Variants in NPAS3 observed in about 807,000 individuals in gnomAD.
NPAS3 encodes the protein neuronal PAS domain protein 3.
NPAS3 carries 14 observed loss-of-function variants against 73.1 expected under a neutral mutation model. The observed-to-expected ratio is 0.19, with a 90% CI of 0.13 to 0.30. The LOEUF is 0.30. Among genes scored for constraint, NPAS3 ranks in the 10% least tolerant of loss-of-function variants. The pLI is 1.00. For missense variants in NPAS3, 1,096 were observed against 1,250.0 expected, an observed-to-expected ratio of 0.88 and a Z score of 1.86; for synonymous variants, 620 against 541.5, an observed-to-expected ratio of 1.14 and a Z score of -2.01.
intron 3 of NPAS3, among the ~76,000 whole-genome samples, chr14:33,222,113 T>G (rs564732307): frequency 2.0e-5 from 3 of 152,208 alleles, no homozygotes; most frequent in African/African-American, 7.2e-5. Flanking sequence ...ACAAGTCCTG[T>G]GTGTTCAGAT....
Position 33,159,063 on chromosome 14 carries a change from G to A in NPAS3, c.141-56119G>A, listed in dbSNP as rs143345867. Among the ~76,000 whole-genome samples the A allele has an allele frequency of 4.5e-4, 69 of 152,208 alleles. No individual in the cohort carries two copies. The East Asian group carries it at 0.011, about 23-fold the overall frequency. On this transcript the variant is annotated intron_variant, in intron 2 of 11. Transcript: ENST00000356141. ...CTGTAATCCCAACTACTCAGAGACC[G>A]AGGCAGGGGAATTGCTTGGATCTGG... is the stretch of plus-strand genomic sequence containing the variant.
intron 3 of NPAS3, among the ~76,000 whole-genome samples, chr14:33,270,909 T>C (rs2041045648): frequency 6.6e-6 from 1 of 152,170 alleles, no homozygotes; most frequent in Non-Finnish European, 1.5e-5. Flanking sequence ...CCTCTAAGTA[T>C]AGGGCTGAAA....
At chr14:33,280,261 C>G (rs1037137027) in intron 3 of NPAS3, among the ~76,000 whole-genome samples, 1 of 152,114 alleles carries the variant, frequency 6.6e-6, no homozygotes, top group Admixed American at 6.5e-5. Context: ...ATTGTATGGT[C>G]ACCCAACTTA....
intron 6 of NPAS3, among the ~76,000 whole-genome samples, chr14:33,717,200 A>C (rs534956614): frequency 2.5e-4 from 36 of 143,346 alleles, no homozygotes; most frequent in Admixed American, 1.1e-3. Flanking sequence ...TAACCTAAGC[A>C]TTCTTGGGCT....
chr14:33,173,316 AT>A (rs1444217016), intron 2 of NPAS3, among the ~76,000 whole-genome samples: 2 of 152,328 alleles, frequency 1.3e-5, no homozygotes, highest in East Asian at 3.9e-4. Flanking sequence ...TGCCACTATA[AT>A]ATTAATGATA....
At chr14:33,765,695 C>A (rs552765768) in intron 7 of NPAS3, among the ~76,000 whole-genome samples, 1 of 152,250 alleles carries the variant, frequency 6.6e-6, no homozygotes, top group South Asian at 2.1e-4. Flanking sequence ...ATATGTTCAT[C>A]TTTCTTTGCT....
chr14:33,066,966 A>T (rs1177963048), intron 2 of NPAS3, among the ~76,000 whole-genome samples: 2 of 152,202 alleles, frequency 1.3e-5, no homozygotes, highest in Non-Finnish European at 2.9e-5. Flanking sequence ...GTCTTCAAGC[A>T]TTATTGTAAT....
intron 5 of NPAS3, among the ~76,000 whole-genome samples, chr14:33,643,375 T>TTAA (rs1555427000): frequency 6.8e-4 from 64 of 94,628 alleles, no homozygotes; most frequent in African/African-American, 2.2e-3. Flanking sequence ...AAATAAAAAT[T>TTAA]AAAAAAAAAA....
At chr14:33,479,378 C>T (rs2051200840) in intron 4 of NPAS3, among the ~76,000 whole-genome samples, 1 of 152,116 alleles carries the variant, frequency 6.6e-6, no homozygotes, top group African/African-American at 2.4e-5. Flanking sequence ...CCTTACTACC[C>T]CACCCCCAAA....
chr14:33,581,310 A>T (rs2056653529), intron 5 of NPAS3, among the ~76,000 whole-genome samples: 1 of 152,208 alleles, frequency 6.6e-6, no homozygotes, highest in Non-Finnish European at 1.5e-5. Flanking sequence ...ATCATACTTC[A>T]TATGGGCAGT....
intron 5 of NPAS3, among the ~76,000 whole-genome samples, chr14:33,623,926 C>T (rs150070630): frequency 6.0e-4 from 92 of 152,264 alleles, no homozygotes; most frequent in African/African-American, 2.1e-3. Context: ...AAAAGGACTC[C>T]TCAGGTACTC....
At chr14:33,492,306 A>G (rs2139824784) in intron 4 of NPAS3, among the ~76,000 whole-genome samples, 2 of 152,296 alleles carry the variant, frequency 1.3e-5, no homozygotes, top group South Asian at 4.1e-4. Context: ...TGTAAAAAAA[A>G]GAATATTTTA....
Position 32,948,290 on chromosome 14 carries a change from T to C in NPAS3, c.50+8924T>C, listed in dbSNP as rs186168649. Reference sequence around the variant, plus strand: ...TGTCAAAGTTGTCCAAAAATGGTTTTATTGGGCAGTGAAGAATGTAGAGTA... The same window carrying C: ...TGTCAAAGTTGTCCAAAAATGGTTTCATTGGGCAGTGAAGAATGTAGAGTA... On this transcript the variant is annotated intron_variant, in intron 1 of 11. Transcript: ENST00000356141. Among the ~76,000 whole-genome samples, 169 of 152,256 alleles carry C rather than the reference T, an allele frequency of 1.1e-3. 1 individual carries two copies. Among genetic ancestry groups the C allele is most frequent in the Non-Finnish European group, 2.1e-3 (142 of 67,990 alleles).
At chr14:33,018,935 A>G (rs1241983291) in intron 1 of NPAS3, among the ~76,000 whole-genome samples, 1 of 138,218 alleles carries the variant, frequency 7.2e-6, no homozygotes, top group Non-Finnish European at 1.6e-5. Context: ...GTGCAAATTT[A>G]TAAAAAAAAA....
intron 2 of NPAS3, among the ~76,000 whole-genome samples, chr14:33,127,368 C>T (rs955150998): frequency 3.3e-5 from 5 of 152,034 alleles, no homozygotes; most frequent in African/African-American, 7.2e-5. Flanking sequence ...GATTTTTCTG[C>T]ATATATTGAG....
At chr14:33,615,797 T>C (rs1325050039) in intron 5 of NPAS3, among the ~76,000 whole-genome samples, 1 of 152,176 alleles carries the variant, frequency 6.6e-6, no homozygotes, top group African/African-American at 2.4e-5. Context: ...TATATTCCTT[T>C]CCAGAGAGTC....
intron 5 of NPAS3, among the ~76,000 whole-genome samples, chr14:33,600,226 T>G (rs972255607): frequency 1.3e-5 from 2 of 152,226 alleles, no homozygotes; most frequent in South Asian, 4.1e-4. Flanking sequence ...AAAAACTGTT[T>G]GACTAGTGCC....
intron 7 of NPAS3, among the ~76,000 whole-genome samples, chr14:33,773,398 T>C (rs1328071043): frequency 1.3e-5 from 2 of 152,196 alleles, no homozygotes; most frequent in Non-Finnish European, 2.9e-5. Context: ...AGAGTTGATA[T>C]GCACATGTGT....
At chr14:33,777,301 C>T (rs1324725483) in intron 8 of NPAS3, among the ~76,000 whole-genome samples, 1 of 152,184 alleles carries the variant, frequency 6.6e-6, no homozygotes, top group Non-Finnish European at 1.5e-5. Context: ...TTAGAAAACC[C>T]TCCTTTTTAT....
Sources: allele counts gnomAD v4.1 joint callset (sites outside exome capture counted in the v4.1 genomes callset), GRCh38; gene constraint gnomAD v4.1.1; transcripts MANE v1.5; gene names NCBI Gene and HGNC (gene_info 2026-07-23, HGNC 2026-07-21).